MAGI2: variants seen among roughly 807,000 people sequenced by gnomAD.
MAGI2 encodes membrane associated guanylate kinase, WW and PDZ domain containing 2.
Under a neutral mutation model 133.3 loss-of-function variants are expected in MAGI2, and 35 were observed. That is an observed-to-expected ratio of 0.26 (90% CI 0.20 to 0.35). The LOEUF (loss-of-function observed/expected upper bound fraction) is 0.35. Ranked by LOEUF, MAGI2 falls within the 10% of genes least tolerant of loss-of-function variation. The pLI is 1.00. For missense variants in MAGI2, 1,636 were observed against 1,863.4 expected (o/e 0.88, Z 2.25); for synonymous variants, 729 against 710.6 (o/e 1.03, Z -0.41).
chr7:78,624,309 T>G (rs181758602), intron 3 of MAGI2, among the ~76,000 whole-genome samples: 72 of 152,278 alleles, frequency 4.7e-4, no homozygotes, highest in African/African-American at 1.6e-3. Context: ...CAGAAGCTAT[T>G]TAGTTTAATT....
intron 16 of MAGI2, among the ~76,000 whole-genome samples, 163 bp from the exon 17 acceptor site, chr7:78,135,369 C>G (rs931382162): frequency 6.6e-6 from 1 of 152,318 alleles, no homozygotes; most frequent in Non-Finnish European, 1.5e-5. Flanking sequence ...CCTGTGCATA[C>G]TACTGAGACC....
chr7:78,240,145 C>G (rs1195085289), intron 10 of MAGI2, among the ~76,000 whole-genome samples: 1 of 152,190 alleles, frequency 6.6e-6, no homozygotes, highest in Non-Finnish European at 1.5e-5. Context: ...CCTCCTGCCC[C>G]CTGATAGGCC....
intron 3 of MAGI2, among the ~76,000 whole-genome samples, chr7:78,530,419 G>C (rs1379251601): frequency 6.6e-6 from 1 of 152,032 alleles, no homozygotes; most frequent in Non-Finnish European, 1.5e-5. Context: ...TAAGATATAG[G>C]ATAGAAGGTA....
chr7:78,553,244 T>G lies in MAGI2; in HGVS notation c.539-31599A>C, dbSNP rs866201735. Among the ~76,000 whole-genome samples the G allele has an allele frequency of 2.0e-5, 3 of 152,172 alleles. No homozygotes were observed. The South Asian group carries it at 6.2e-4, about 32-fold the overall frequency. On this transcript the variant is annotated intron_variant, in intron 3 of 21. Coordinates refer to ENST00000354212, the MANE Select transcript of MAGI2 (RefSeq NM_012301.4). ...ACAATTGTAATATACTTTGACTACA[T>G]AAGCATTTTCGTAGCTTTATTTTAA...
intron 2 of MAGI2, among the ~76,000 whole-genome samples, chr7:78,732,067 GAGAAA>G (rs977002154): frequency 1.6e-4 from 25 of 152,090 alleles, no homozygotes; most frequent in Non-Finnish European, 2.8e-4. Context: ...ATGAGAGAGA[GAGAAA>G]AGAAAAGAAA....
At chr7:78,315,575 G>C (rs547581541) in intron 9 of MAGI2, among the ~76,000 whole-genome samples, 14 of 152,184 alleles carry the variant, frequency 9.2e-5, no homozygotes, top group African/African-American at 3.4e-4. Flanking sequence ...ATAATTATAG[G>C]CTTAGAGAAG....
intron 20 of MAGI2, among the ~76,000 whole-genome samples, chr7:78,114,851 G>A (rs1211560951): frequency 6.6e-6 from 1 of 152,180 alleles, no homozygotes; most frequent in East Asian, 1.9e-4. Context: ...AGATAAGGAC[G>A]TATGCTACAG....
chr7:78,487,650 A>G (rs1469336704), intron 6 of MAGI2, among the ~76,000 whole-genome samples: 1 of 152,084 alleles, frequency 6.6e-6, no homozygotes, highest in Non-Finnish European at 1.5e-5. Context: ...GAACAGGGCA[A>G]ACTCAACCCA....
chr7:79,052,186 C>T (rs1157994531), intron 1 of MAGI2, among the ~76,000 whole-genome samples: 1 of 152,050 alleles, frequency 6.6e-6, no homozygotes, highest in Non-Finnish European at 1.5e-5. Context: ...GAGAGAAGAG[C>T]AGAGATGACT....
At chr7:79,143,695 G>A (rs1482240467) in intron 1 of MAGI2, among the ~76,000 whole-genome samples, 1 of 152,066 alleles carries the variant, frequency 6.6e-6, no homozygotes, top group Non-Finnish European at 1.5e-5. Flanking sequence ...GAACAAATGT[G>A]AGCTTCTATT....
chr7:78,653,695 C>CT (rs1365640464), intron 2 of MAGI2, among the ~76,000 whole-genome samples: 1 of 151,204 alleles, frequency 6.6e-6, no homozygotes, highest in Non-Finnish European at 1.5e-5. Flanking sequence ...TTGATGGGTG[C>CT]TGCAAACCAC....
intron 2 of MAGI2, among the ~76,000 whole-genome samples, chr7:78,664,572 G>T (rs1813335513): frequency 6.6e-6 from 1 of 151,548 alleles, no homozygotes; most frequent in Non-Finnish European, 1.5e-5. Context: ...AATTTTCTTG[G>T]TATAAATCTT....
intron 1 of MAGI2, among the ~76,000 whole-genome samples, chr7:79,170,866 A>G (rs1182840614): frequency 6.6e-6 from 1 of 152,150 alleles, no homozygotes; most frequent in Non-Finnish European, 1.5e-5. Context: ...ACTTAAAATG[A>G]GAATAATAGA....
chr7:78,939,850 G>A (rs1012750969), intron 2 of MAGI2: 9 of 152,164 alleles, frequency 5.9e-5, no homozygotes, highest in African/African-American at 1.4e-4. Context: ...ACTGGTGGAT[G>A]GGAAGTGACA....
At chr7:78,364,340 A>G (rs145711839) in intron 7 of MAGI2, among the ~76,000 whole-genome samples, 57 of 152,358 alleles carry the variant, frequency 3.7e-4, no homozygotes, top group African/African-American at 1.3e-3. Context: ...CATTATTAAG[A>G]TAAGATATTG....
intron 6 of MAGI2, among the ~76,000 whole-genome samples, chr7:78,478,293 A>G (rs2150447701): frequency 6.6e-6 from 1 of 152,020 alleles, no homozygotes; most frequent in Non-Finnish European, 1.5e-5. Context: ...TAAAGGAAAA[A>G]TATTTAATCT....
intron 20 of MAGI2, among the ~76,000 whole-genome samples, chr7:78,123,886 C>CAA (rs779705009): frequency 3.0e-4 from 46 of 152,286 alleles, no homozygotes; most frequent in East Asian, 5.8e-4. Flanking sequence ...ACATTTCTAC[C>CAA]AAGTTTCCAG....
chr7:78,514,305 T>C (rs1280882274), intron 4 of MAGI2, among the ~76,000 whole-genome samples: 1 of 151,444 alleles, frequency 6.6e-6, no homozygotes, highest in African/African-American at 2.4e-5. Flanking sequence ...AGTAATATTA[T>C]AATTACAATC....
At chr7:78,123,261 C>T (rs914170323) in intron 20 of MAGI2, among the ~76,000 whole-genome samples, 2 of 152,136 alleles carry the variant, frequency 1.3e-5, no homozygotes, top group African/African-American at 2.4e-5. Context: ...ACTTGCTACT[C>T]TCCACTGGTT....
Sources: allele counts gnomAD v4.1 joint callset (sites outside exome capture counted in the v4.1 genomes callset), GRCh38; gene constraint gnomAD v4.1.1; transcripts MANE v1.5; gene names NCBI Gene and HGNC (gene_info 2026-07-23, HGNC 2026-07-21).